FRMD4A: variants seen among roughly 807,000 people sequenced by gnomAD.
FRMD4A encodes FERM domain-containing protein 4A.
A neutral mutation model predicts 129.1 loss-of-function variants in FRMD4A; 29 were observed. The observed-to-expected ratio is 0.22, with a 90% confidence interval of 0.17 to 0.31. The LOEUF is 0.31. FRMD4A is among the 10% of genes least tolerant of loss of function. The pLI, the probability that FRMD4A is intolerant of heterozygous loss-of-function variation, is 1.00. For missense variants in FRMD4A, 1,272 were observed against 1,375.8 expected, an observed-to-expected ratio of 0.92 and a Z score of 1.19; for synonymous variants, 634 against 571.6, an observed-to-expected ratio of 1.11 and a Z score of -1.56.
chr10:14,230,999 G>A (rs1387921144), intron 2 of FRMD4A, among the ~76,000 whole-genome samples: 2 of 152,176 alleles, frequency 1.3e-5, no homozygotes, highest in Non-Finnish European at 2.9e-5. Context: ...ATTCCATGGT[G>A]TATATGTACC....
intron 2 of FRMD4A, among the ~76,000 whole-genome samples, chr10:14,293,118 T>A (rs971225105): frequency 1.3e-5 from 2 of 152,226 alleles, no homozygotes; most frequent in African/African-American, 4.8e-5. Context: ...CCAAAATTCA[T>A]GTGTTAGAAA....
chr10:13,654,061 G>T (rs903295460), intron 23 of FRMD4A: 11 of 445,350 alleles, frequency 2.5e-5, no homozygotes, highest in Admixed American at 3.9e-5. Flanking sequence ...TTCTCCCCCT[G>T]ACATTCTTGC....
intron 3 of FRMD4A, among the ~76,000 whole-genome samples, chr10:13,838,638 A>G (rs1379145936): frequency 6.6e-6 from 1 of 152,028 alleles, no homozygotes; most frequent in African/African-American, 2.4e-5. Context: ...GATTACAGGC[A>G]TGTGCCACCA....
intron 2 of FRMD4A, among the ~76,000 whole-genome samples, chr10:14,098,559 A>G (rs1391133966): frequency 2.0e-5 from 3 of 152,126 alleles, no homozygotes; most frequent in Non-Finnish European, 4.4e-5. Context: ...GCCTGCCAGC[A>G]TGCCCGGCTA....
intron 6 of FRMD4A, among the ~76,000 whole-genome samples, chr10:13,777,035 T>C (rs899843608): frequency 5.9e-5 from 9 of 152,226 alleles, no homozygotes; most frequent in Non-Finnish European, 1.2e-4. Context: ...ACATCCTTGC[T>C]CAATTAGAGA....
At chr10:13,681,047 T>A (rs939112312) in intron 15 of FRMD4A, among the ~76,000 whole-genome samples, 2 of 152,208 alleles carry the variant, frequency 1.3e-5, no homozygotes, top group African/African-American at 4.8e-5. Context: ...ATCTCTAAGA[T>A]TCCTCAAACT....
intron 5 of FRMD4A, among the ~76,000 whole-genome samples, chr10:13,787,465 CT>C (rs202093462): frequency 0.02 from 3,043 of 151,724 alleles, 124 homozygotes; most frequent in African/African-American, 0.069. Flanking sequence ...ATTTTTTTTT[CT>C]TTTTTTTCTT....
At chr10:14,306,548 T>C (rs1402285638) in intron 2 of FRMD4A, among the ~76,000 whole-genome samples, 1 of 152,214 alleles carries the variant, frequency 6.6e-6, no homozygotes, top group African/African-American at 2.4e-5. Flanking sequence ...ACTCTGAATT[T>C]CAATATATGA....
intron 2 of FRMD4A, among the ~76,000 whole-genome samples, chr10:14,094,508 C>T (rs926809505): frequency 6.6e-6 from 1 of 152,146 alleles, no homozygotes; most frequent in Non-Finnish European, 1.5e-5. Context: ...CTTTCAAACG[C>T]AGAGCAGCTT....
At chr10:13,786,954 C>T (rs532806381) in intron 5 of FRMD4A, among the ~76,000 whole-genome samples, 1 of 152,296 alleles carries the variant, frequency 6.6e-6, no homozygotes, top group South Asian at 2.1e-4. Context: ...CCAATTTTCT[C>T]CTGAATAGTA....
chr10:13,968,839 AT>A (rs71388145), intron 2 of FRMD4A, among the ~76,000 whole-genome samples: 81,237 of 151,488 alleles, frequency 0.54, 22,065 homozygotes, highest in African/African-American at 0.56. Context: ...TGACTAACAG[AT>A]TTTTTTTTTG....
chr10:13,889,307 T>C (rs1183159677), intron 2 of FRMD4A, among the ~76,000 whole-genome samples: 1 of 152,244 alleles, frequency 6.6e-6, no homozygotes, highest in South Asian at 2.1e-4. Flanking sequence ...CCTTGGCAAC[T>C]CTTGCATATC....
intron 2 of FRMD4A, among the ~76,000 whole-genome samples, chr10:14,311,605 T>C (rs1846551874): frequency 9.6e-6 from 1 of 104,702 alleles, no homozygotes; most frequent in Non-Finnish European, 1.8e-5. Context: ...TCTCACACTC[T>C]CTCTCCCCTC....
chr10:13,919,781 T>C (rs2095050350), intron 2 of FRMD4A, among the ~76,000 whole-genome samples: 1 of 151,944 alleles, frequency 6.6e-6, no homozygotes, highest in Admixed American at 6.6e-5. Flanking sequence ...TTACTAAAAA[T>C]ACAAAAATTA....
At chr10:13,719,475 C>T (rs749780852) in intron 12 of FRMD4A, among the ~76,000 whole-genome samples, 27 of 152,062 alleles carry the variant, frequency 1.8e-4, no homozygotes, top group African/African-American at 3.4e-4. Context: ...GGTAGGACCC[C>T]GACTGTAACA....
intron 15 of FRMD4A, 41 bp from the exon 16 acceptor site, chr10:13,675,085 G>GAC (rs1564580243): frequency 6.3e-7 from 1 of 1,582,382 alleles, no homozygotes. Context: ...GCTGACAGGG[G>GAC]ACACACATCT....
Position 13,957,820 on chromosome 10 carries a change from C to T in FRMD4A, c.46-98908G>A, listed in dbSNP as rs2095418933. On this transcript the variant is annotated intron_variant, in intron 2 of 24. Transcript: ENST00000357447. ...CTTTCTGGCCCCTAAAACTCGCTCA[C>T]TCACTCCTTTTCTTTCTCTCTGTAC... 2.6e-5 allele frequency among the ~76,000 whole-genome samples: 4 copies of T among 152,174 alleles called. No homozygotes were observed. In the South Asian group the frequency reaches 8.3e-4, roughly 31 times the overall value.
rs529763922 is a variant in FRMD4A, at chr10:13,818,853, C to T, written c.112-7945G>A. On this transcript the variant is annotated intron_variant, in intron 3 of 24. Coordinates refer to ENST00000357447, the MANE Select transcript of FRMD4A (RefSeq NM_018027.5). The stretch of plus-strand genomic sequence containing the variant: ...AAAAAATTCCATGTATGGCCAGGCA[C>T]GGTGGCTCACGCCTATAATCCCAGG... 7.2e-5 allele frequency among the ~76,000 whole-genome samples: 11 copies of T among 152,332 alleles called. No homozygotes were observed. The South Asian group carries it at 2.3e-3, about 32-fold the overall frequency.
At chr10:14,097,849 A>G (rs958095204) in intron 2 of FRMD4A, among the ~76,000 whole-genome samples, 3 of 148,546 alleles carry the variant, frequency 2.0e-5, no homozygotes, top group Non-Finnish European at 3.0e-5. Flanking sequence ...TTGAACACGT[A>G]TATGTCAATA....
Sources: allele counts gnomAD v4.1 joint callset (sites outside exome capture counted in the v4.1 genomes callset), GRCh38; gene constraint gnomAD v4.1.1; transcripts MANE v1.5; gene names NCBI Gene and HGNC (gene_info 2026-07-23, HGNC 2026-07-21).